Variants in HS6ST3 observed in about 807,000 individuals in gnomAD.
HS6ST3 encodes heparan sulfate 6-O-sulfotransferase 3, also known as heparan-sulfate 6-O-sulfotransferase 3.
In HS6ST3, 12 loss-of-function variants were observed where a neutral mutation model predicts 36.7. The ratio of observed to expected loss-of-function variants is 0.33; its 90% confidence interval spans 0.21 to 0.53. HS6ST3 has a LOEUF of 0.53. Among genes scored for constraint, HS6ST3 ranks in the 20% least tolerant of loss-of-function variants. The probability of loss-of-function intolerance (pLI) is 0.95; values close to 1 mark genes in which losing one functional copy is unlikely to be tolerated. For synonymous variants in HS6ST3, 240 were observed against 257.5 expected (o/e 0.93, Z 0.65); for missense variants, 584 against 640.9 (o/e 0.91, Z 0.96).
rs1383329886 is a variant in HS6ST3, at chr13:96,612,283, T to C, written c.708-220207T>C. On this transcript the variant is annotated intron_variant, in intron 1 of 1. Coordinates refer to ENST00000376705, the MANE Select transcript of HS6ST3 (RefSeq NM_153456.4). ...CACACCCTTTCTTCACATTTTTCATTTGGCTTCCCAGACCCCCACTCTTTC... is the reference window on the plus strand; with the variant it reads ...CACACCCTTTCTTCACATTTTTCATCTGGCTTCCCAGACCCCCACTCTTTC... 2.0e-5 allele frequency among the ~76,000 whole-genome samples: 3 copies of C among 151,998 alleles called. No homozygotes were observed. In the East Asian group the frequency reaches 5.8e-4, roughly 30 times the overall value.
At chr13:96,596,525 G>A (rs892281555) in intron 1 of HS6ST3, among the ~76,000 whole-genome samples, 1 of 152,056 alleles carries the variant, frequency 6.6e-6, no homozygotes, top group Non-Finnish European at 1.5e-5. Context: ...TTAGTTCCTT[G>A]AGAAATCTTC....
intron 1 of HS6ST3, among the ~76,000 whole-genome samples, chr13:96,520,122 T>G (rs745898675): frequency 3.3e-5 from 5 of 152,230 alleles, no homozygotes; most frequent in Non-Finnish European, 5.9e-5. Flanking sequence ...GGGAATCTTT[T>G]CCCCATTGCT....
intron 1 of HS6ST3, among the ~76,000 whole-genome samples, chr13:96,109,135 G>A (rs1434453159): frequency 1.3e-5 from 2 of 152,216 alleles, no homozygotes; most frequent in African/African-American, 2.4e-5. Flanking sequence ...TATTTGTAAA[G>A]TTGGCTATCT....
chr13:96,489,713 G>T (rs527668925), intron 1 of HS6ST3, among the ~76,000 whole-genome samples: 1 of 152,040 alleles, frequency 6.6e-6, no homozygotes, highest in Non-Finnish European at 1.5e-5. Flanking sequence ...CCAGGCACTG[G>T]AGTAAGCATT....
intron 1 of HS6ST3, among the ~76,000 whole-genome samples, chr13:96,237,374 T>G (rs1473869506): frequency 6.6e-6 from 1 of 152,126 alleles, no homozygotes; most frequent in Non-Finnish European, 1.5e-5. Flanking sequence ...CTTCTCTTCC[T>G]TCTCCTCCCC....
At chr13:96,241,817 G>T (rs1263660661) in intron 1 of HS6ST3, among the ~76,000 whole-genome samples, 1 of 147,476 alleles carries the variant, frequency 6.8e-6, no homozygotes, top group Non-Finnish European at 1.5e-5. Context: ...ATGGAGTCTG[G>T]CTCTGTCGCC....
At chr13:96,525,058 T>G (rs549674226) in intron 1 of HS6ST3, among the ~76,000 whole-genome samples, 1 of 152,372 alleles carries the variant, frequency 6.6e-6, no homozygotes, top group African/African-American at 2.4e-5. Flanking sequence ...TATTGAATAA[T>G]GAAGTCTAGG....
chr13:96,465,960 T>TG lies in HS6ST3; in HGVS notation c.708-366530_708-366529insG, dbSNP rs1555306554. On this transcript the variant is annotated intron_variant, in intron 1 of 1. Transcript: ENST00000376705. ...GACACATTTTCTTTCATTTTTTTAT[T>TG]TGTGTGTGTGTGTGGTAAGAACACT... Among the ~76,000 whole-genome samples the TG allele has an allele frequency of 1.3e-3, 11 of 8,740 alleles. No homozygotes were observed. In the South Asian group the frequency reaches 0.2, roughly 155 times the overall value. 5.7% of individuals were successfully genotyped at this position (8,740 alleles called of 152,430 possible).
At chr13:96,351,484 CTA>C (rs2013482788) in intron 1 of HS6ST3, among the ~76,000 whole-genome samples, 1 of 151,932 alleles carries the variant, frequency 6.6e-6, no homozygotes, top group Admixed American at 6.6e-5. Flanking sequence ...GCAAATTTTT[CTA>C]TGTTTTGTAG....
chr13:96,108,045 T>G (rs1293024407), intron 1 of HS6ST3, among the ~76,000 whole-genome samples: 1 of 152,004 alleles, frequency 6.6e-6, no homozygotes, highest in African/African-American at 2.4e-5. Context: ...AACCATTAGG[T>G]CTGACTGCCT....
intron 1 of HS6ST3, among the ~76,000 whole-genome samples, chr13:96,452,789 T>C (rs947429067): frequency 6.6e-6 from 1 of 152,208 alleles, no homozygotes; most frequent in Non-Finnish European, 1.5e-5. Context: ...CTATGTTTTT[T>C]AAGACATTCC....
chr13:96,429,606 G>C (rs2055604633), intron 1 of HS6ST3, among the ~76,000 whole-genome samples: 1 of 152,176 alleles, frequency 6.6e-6, no homozygotes, highest in South Asian at 2.1e-4. Context: ...AGTGTTCTTT[G>C]CTCAACCTGA....
At chr13:96,347,155 GGATTCCT>G (rs2055159995) in intron 1 of HS6ST3, among the ~76,000 whole-genome samples, 1 of 152,144 alleles carries the variant, frequency 6.6e-6, no homozygotes, top group South Asian at 2.1e-4. Flanking sequence ...AGCTGTGCCT[GGATTCCT>G]GATCCACAGA....
At chr13:96,626,524 C>A (rs2056513001) in intron 1 of HS6ST3, among the ~76,000 whole-genome samples, 1 of 152,092 alleles carries the variant, frequency 6.6e-6, no homozygotes, top group Non-Finnish European at 1.5e-5. Flanking sequence ...CAATAATAAT[C>A]ATAATGTTGA....
intron 1 of HS6ST3, among the ~76,000 whole-genome samples, chr13:96,631,417 A>AT (rs1443281296): frequency 6.6e-6 from 1 of 152,240 alleles, no homozygotes. Flanking sequence ...AATGGTATAA[A>AT]TTTTGTTCTC....
intron 1 of HS6ST3, among the ~76,000 whole-genome samples, chr13:96,139,794 G>A (rs571629085): frequency 4.1e-4 from 62 of 151,978 alleles, no homozygotes; most frequent in Admixed American, 3.6e-3. Context: ...TAGGCCTCTA[G>A]GAAAAAGATT....
intron 1 of HS6ST3, among the ~76,000 whole-genome samples, chr13:96,517,368 A>G (rs1333891253): frequency 6.6e-6 from 1 of 152,216 alleles, no homozygotes; most frequent in African/African-American, 2.4e-5. Flanking sequence ...CAACAGAGCA[A>G]GACCCTGTCT....
At chr13:96,159,795 G>A (rs1356983570) in intron 1 of HS6ST3, among the ~76,000 whole-genome samples, 1 of 152,158 alleles carries the variant, frequency 6.6e-6, no homozygotes, top group Non-Finnish European at 1.5e-5. Flanking sequence ...TGATAATAAG[G>A]CTAAAAACAT....
At chr13:96,377,431 C>CTTAATTTT (rs1425155361) in intron 1 of HS6ST3, among the ~76,000 whole-genome samples, 2 of 152,038 alleles carry the variant, frequency 1.3e-5, no homozygotes, top group Non-Finnish European at 2.9e-5. Context: ...GAGAATATAG[C>CTTAATTTT]TTAATTTTAA....
Sources: gnomAD v4.1 joint callset for allele counts (sites outside exome capture counted in the v4.1 genomes callset) on GRCh38, gnomAD v4.1.1 for gene constraint, MANE v1.5 for transcripts, NCBI Gene and HGNC (gene_info 2026-07-23, HGNC 2026-07-21) for gene names.